The following UNC5A variants were observed in gnomAD, a reference collection of about 807,000 sequenced individuals.
The protein encoded by UNC5A is unc-5 netrin receptor A.
UNC5A carries 20 observed loss-of-function variants against 87.4 expected under a neutral mutation model. The observed-to-expected ratio is 0.23, with a 90% CI of 0.16 to 0.33. The LOEUF (loss-of-function observed/expected upper bound fraction) is 0.33. Among genes scored for constraint, UNC5A ranks in the 10% least tolerant of loss-of-function variants. The pLI is 1.00. For missense variants in UNC5A, 844 were observed against 1,133.4 expected, an observed-to-expected ratio of 0.74 and a Z score of 3.67; for synonymous variants, 438 against 482.3, an observed-to-expected ratio of 0.91 and a Z score of 1.20.
intron 6 of UNC5A, among the ~76,000 whole-genome samples, chr5:176,872,805 C>A (rs1457809302): frequency 7.6e-6 from 1 of 131,618 alleles, no homozygotes; most frequent in Non-Finnish European, 1.6e-5. Context: ...CCACAGCTTC[C>A]CATCTGCCCA....
At chr5:176,826,415 C>T (rs1381110915) in intron 1 of UNC5A, among the ~76,000 whole-genome samples, 1 of 152,226 alleles carries the variant, frequency 6.6e-6, no homozygotes, top group Non-Finnish European at 1.5e-5. Flanking sequence ...TCAGCAACCC[C>T]AGGATCAAAC....
At chr5:176,815,601 T>C (rs1486961156) in intron 1 of UNC5A, among the ~76,000 whole-genome samples, 2 of 152,220 alleles carry the variant, frequency 1.3e-5, no homozygotes, top group Non-Finnish European at 2.9e-5. Context: ...CCCCGACACC[T>C]AGTAGGTGCC....
At chr5:176,812,176 C>T (rs966843743) in intron 1 of UNC5A, among the ~76,000 whole-genome samples, 3 of 152,144 alleles carry the variant, frequency 2.0e-5, no homozygotes, top group East Asian at 3.9e-4. Context: ...GGTGTGTGTC[C>T]GTGTCCGCCA....
chr5:176,873,853 G>C, intron 6 of UNC5A, 115 bp from the exon 7 acceptor site: 1 of 1,089,048 alleles, frequency 9.2e-7, no homozygotes. Context: ...CTGCTCCCTA[G>C]CTAGTGCAGA....
intron 1 of UNC5A, among the ~76,000 whole-genome samples, chr5:176,840,285 C>G (rs1234920643): frequency 6.6e-6 from 1 of 152,090 alleles, no homozygotes; most frequent in Non-Finnish European, 1.5e-5. Context: ...GAGACTGGAG[C>G]AGAGTGTCAG....
intron 1 of UNC5A, among the ~76,000 whole-genome samples, chr5:176,840,368 G>C (rs145091772): frequency 1.3e-5 from 2 of 152,134 alleles, no homozygotes; most frequent in East Asian, 3.9e-4. Context: ...GCTGTGAGTC[G>C]GGGGAGGGGC....
chr5:176,827,179 CTTTT>C (rs35306601), intron 1 of UNC5A, among the ~76,000 whole-genome samples: 4 of 107,576 alleles, frequency 3.7e-5, no homozygotes, highest in Non-Finnish European at 6.9e-5. Context: ...TGCTTCATTC[CTTTT>C]TTTTTTTTTT....
At chr5:176,845,883 C>T (rs1203997235) in intron 1 of UNC5A, among the ~76,000 whole-genome samples, 1 of 152,192 alleles carries the variant, frequency 6.6e-6, no homozygotes, top group African/African-American at 2.4e-5. Flanking sequence ...GCAGAGGGAA[C>T]AGTAGATGCA....
chr5:176,849,931 C>T (rs751459585), intron 1 of UNC5A, among the ~76,000 whole-genome samples: 17 of 152,326 alleles, frequency 1.1e-4, no homozygotes, highest in Non-Finnish European at 2.2e-4. Context: ...CTGCCACCAT[C>T]ACTGGCCCCC....
chr5:176,842,528 C>T (rs1306422356), intron 1 of UNC5A, among the ~76,000 whole-genome samples: 1 of 143,216 alleles, frequency 7.0e-6, no homozygotes, highest in East Asian at 1.9e-4. Context: ...TACTACTCAG[C>T]CATAAAAAGG....
Position 176,838,615 on chromosome 5 carries a change from G to A in UNC5A, c.71-24009G>A, listed in dbSNP as rs937939575. On this transcript the variant is annotated intron_variant, in intron 1 of 14. Transcript: ENST00000329542. The surrounding 1 kb of genome is among the most constrained non-coding windows in gnomAD (Gnocchi z 4.2). The stretch of plus-strand genomic sequence containing the variant: ...ACAGCACTCTGGAGCTACCCTGCTC[G>A]CTGTTCTGCTCTGTCTTCCCTGGTG... Among the ~76,000 whole-genome samples, 8 of 152,372 alleles carry A rather than the reference G, an allele frequency of 5.3e-5. No individual in the cohort carries two copies. The highest frequency in any genetic ancestry group is 3.4e-3 in the Middle Eastern group (1 of 294).
chr5:176,829,180 GGATGGATGGATGGATGGATGGATGGT>G lies in UNC5A; in HGVS notation c.70+18361_70+18386del, dbSNP rs1756929075. ...AAGATGGATGGATGGATGGATGGAT[GGATGGATGGATGGATGGATGGATGGT>G]TGGATGGATGGGTGGATGTATGAAA... is the stretch of plus-strand genomic sequence containing the variant. On this transcript the variant is annotated intron_variant, in intron 1 of 14. Transcript: ENST00000329542. 3.0e-4 allele frequency among the ~76,000 whole-genome samples: 7 copies of G among 23,122 alleles called. No individual in the cohort carries two copies. The Non-Finnish European group carries it at 0.011, about 36-fold the overall frequency. The allele number at this position is 23,122 out of a possible 152,430, so 15.2% of individuals were successfully genotyped here. A position where few individuals can be genotyped will look rare whatever the true frequency, so the allele number is the denominator to read the frequency against.
intron 1 of UNC5A, among the ~76,000 whole-genome samples, chr5:176,837,939 C>T (rs1757185945): frequency 6.6e-6 from 1 of 152,190 alleles, no homozygotes; most frequent in African/African-American, 2.4e-5. Context: ...CTCTAGAGAC[C>T]TCTAGAGAAT....
chr5:176,828,112 C>T (rs1561642393), intron 1 of UNC5A, among the ~76,000 whole-genome samples: 1 of 152,020 alleles, frequency 6.6e-6, no homozygotes, highest in Non-Finnish European at 1.5e-5. Flanking sequence ...CAGGAGCTGC[C>T]CTCTCTGCCC....
Position 176,810,870 on chromosome 5 carries a change from G to T in UNC5A, c.70+50G>T, listed in dbSNP as rs1756434058. 2.5e-6 allele frequency: 3 copies of T among 1,206,004 alleles called. No individual in the cohort carries two copies. In the Admixed American group the frequency reaches 1.3e-4, roughly 53 times the overall value. 74.7% of individuals were successfully genotyped at this position (1,206,004 alleles called of 1,614,324 possible). Reference sequence around the variant, plus strand: ...GGGAGGCTTGCGGGGGACCGTGCGCGCGAACGCTCGCTGCTCTGGGGGTCC... The same window carrying T: ...GGGAGGCTTGCGGGGGACCGTGCGCTCGAACGCTCGCTGCTCTGGGGGTCC... On this transcript the variant is annotated intron_variant, in intron 1 of 14. Transcript: ENST00000329542. The surrounding 1 kb of genome is among the most constrained non-coding windows in gnomAD (Gnocchi z 7.3).
chr5:176,861,703 G>A (rs1316506721), intron 1 of UNC5A, among the ~76,000 whole-genome samples: 3 of 152,300 alleles, frequency 2.0e-5, no homozygotes, highest in East Asian at 3.9e-4. Flanking sequence ...CAAGCCACTC[G>A]CTCCCCAAGG....
At chr5:176,878,993 G>T (rs965837611) in intron 13 of UNC5A, among the ~76,000 whole-genome samples, 8 of 152,178 alleles carry the variant, frequency 5.3e-5, no homozygotes, top group Admixed American at 6.5e-5. Context: ...GGGCAGGGGG[G>T]ACTCAGGCCG....
chr5:176,819,017 G>T (rs557021215), intron 1 of UNC5A, among the ~76,000 whole-genome samples: 107 of 152,300 alleles, frequency 7.0e-4, no homozygotes, highest in African/African-American at 2.5e-3. Context: ...TAATGAAGGG[G>T]ACTCTTTCCC....
intron 1 of UNC5A, among the ~76,000 whole-genome samples, chr5:176,834,264 T>C (rs1433973556): frequency 6.6e-6 from 1 of 152,192 alleles, no homozygotes; most frequent in Non-Finnish European, 1.5e-5. Context: ...TGCCCGTCCC[T>C]GTCCTGTCTG....
Sources: allele counts gnomAD v4.1 joint callset (sites outside exome capture counted in the v4.1 genomes callset), GRCh38; gene constraint gnomAD v4.1.1; non-coding constraint Gnocchi (gnomAD v3.1); transcripts MANE v1.5; gene names NCBI Gene and HGNC (gene_info 2026-07-23, HGNC 2026-07-21).